The following ERC2 variants were observed in gnomAD, a reference collection of about 807,000 sequenced individuals.
The protein encoded by ERC2 is ERC protein 2.
Under a neutral mutation model 114.8 loss-of-function variants are expected in ERC2, and 42 were observed. The ratio of observed to expected loss-of-function variants is 0.37; its 90% CI spans 0.29 to 0.47. The LOEUF (loss-of-function observed/expected upper bound fraction) is 0.47, where lower values mean the gene tolerates loss of function less well. Ranked by LOEUF, ERC2 falls within the 20% of genes least tolerant of loss-of-function variation. ERC2 has a pLI of 0.99. For missense variants in ERC2, 939 were observed against 1,150.7 expected (o/e 0.82, Z 2.66); for synonymous variants, 454 against 425.5 (o/e 1.07, Z -0.82).
intron 3 of ERC2, among the ~76,000 whole-genome samples, chr3:56,277,186 C>T (rs1194772511): frequency 2.0e-5 from 3 of 152,206 alleles, no homozygotes; most frequent in Non-Finnish European, 2.9e-5. Context: ...GCCCTGTTTT[C>T]TGGGTTCTCC....
At chr3:56,183,358 A>G (rs1243433999) in intron 3 of ERC2, among the ~76,000 whole-genome samples, 11 of 152,190 alleles carry the variant, frequency 7.2e-5, no homozygotes, top group Admixed American at 7.2e-4. Context: ...TAGGTGCATG[A>G]CCTTGGGCAA....
chr3:56,007,367 T>C, intron 9 of ERC2, 46 bp from the exon 10 acceptor site: 2 of 1,523,038 alleles, frequency 1.3e-6, no homozygotes, highest in Non-Finnish European at 8.9e-7. Flanking sequence ...AAATTTCTAC[T>C]AGCAATGCCT....
At chr3:56,284,090 G>T (rs1464620386) in intron 3 of ERC2, among the ~76,000 whole-genome samples, 1 of 152,132 alleles carries the variant, frequency 6.6e-6, no homozygotes, top group African/African-American at 2.4e-5. Context: ...TCTACAATCA[G>T]GCTAAGTTCA....
At chr3:55,795,284 C>T (rs1184302592) in intron 14 of ERC2, among the ~76,000 whole-genome samples, 1 of 152,078 alleles carries the variant, frequency 6.6e-6, no homozygotes, top group Non-Finnish European at 1.5e-5. Context: ...CTTCAGTGCC[C>T]CTGTCAGTTG....
At chr3:55,604,119 C>T (rs898068269) in intron 17 of ERC2, among the ~76,000 whole-genome samples, 3 of 152,052 alleles carry the variant, frequency 2.0e-5, no homozygotes, top group Non-Finnish European at 4.4e-5. Context: ...TTCAACAAAT[C>T]CTTTCAGACT....
intron 7 of ERC2, among the ~76,000 whole-genome samples, chr3:56,055,225 G>A (rs762899408): frequency 3.3e-5 from 5 of 152,210 alleles, no homozygotes; most frequent in Admixed American, 3.3e-4. Context: ...AACCTGGGTA[G>A]GCTGAAAGAA....
At chr3:56,416,676 A>AC (rs1390286201) in intron 2 of ERC2, among the ~76,000 whole-genome samples, 1 of 151,500 alleles carries the variant, frequency 6.6e-6, no homozygotes, top group African/African-American at 2.4e-5. Flanking sequence ...AAAAAAAAAA[A>AC]AAAAACTCCT....
At chr3:56,350,495 G>T (rs777218370) in intron 2 of ERC2, among the ~76,000 whole-genome samples, 9 of 152,100 alleles carry the variant, frequency 5.9e-5, no homozygotes, top group Non-Finnish European at 8.8e-5. Context: ...AAAGTTTACA[G>T]CTCAAACTCA....
chr3:56,410,032 T>C (rs1451156000), intron 2 of ERC2, among the ~76,000 whole-genome samples: 1 of 152,210 alleles, frequency 6.6e-6, no homozygotes, highest in Admixed American at 6.5e-5. Flanking sequence ...GCTGTTCCTA[T>C]TTTCTTAAAA....
At chr3:56,295,684 T>C (rs1176249623) in intron 3 of ERC2, among the ~76,000 whole-genome samples, 4 of 152,232 alleles carry the variant, frequency 2.6e-5, no homozygotes, top group Non-Finnish European at 5.9e-5. Context: ...TGATATTTGA[T>C]AAACAACTAA....
At chr3:56,423,767 C>T (rs2061470435) in intron 2 of ERC2, among the ~76,000 whole-genome samples, 1 of 152,200 alleles carries the variant, frequency 6.6e-6, no homozygotes, top group African/African-American at 2.4e-5. Flanking sequence ...CACGCTCTAC[C>T]TAAAAACCTA....
At chr3:56,386,909 T>G (rs2059953478) in intron 2 of ERC2, among the ~76,000 whole-genome samples, 1 of 152,190 alleles carries the variant, frequency 6.6e-6, no homozygotes, top group Admixed American at 6.6e-5. Flanking sequence ...ATGAACAGCA[T>G]ATAAAAGTGG....
At position 56,296,455 on chromosome 3, in the gene ERC2, G is replaced by T. The variant is rs765597374; in HGVS notation, c.658-20C>A. 6.3e-7 allele frequency: 1 copy of T among 1,586,186 alleles called. No homozygotes were observed. The highest frequency in any genetic ancestry group is 2.3e-5 in the East Asian group (1 of 44,364). ...TAGGTGCTGCAATGAGAAAGATGGA[G>T]CGGGAGAGGAGAAAGAAGGAAAAAA... On this transcript the variant is annotated intron_variant, in intron 2 of 17. Coordinates refer to ENST00000288221, the MANE Select transcript of ERC2 (RefSeq NM_015576.3).
chr3:55,644,753 C>T (rs2060322750), intron 17 of ERC2, among the ~76,000 whole-genome samples: 1 of 150,944 alleles, frequency 6.6e-6, no homozygotes, highest in Non-Finnish European at 1.5e-5. Flanking sequence ...TCTGTGATCC[C>T]CTTGGATAGA....
In ERC2 at chr3:55,590,757, T is replaced by TAC. The variant is rs1179883547; in HGVS notation, c.*40-79482_*40-79481insGT. ...ACATATACCAAATTGTCCACAATGGTAGCATCTGGTGTTGTAATCAAACTG... is the reference window on the plus strand; with the variant it reads ...ACATATACCAAATTGTCCACAATGGTACAGCATCTGGTGTTGTAATCAAACTG... On this transcript the variant is annotated intron_variant, in intron 17 of 17. Transcript: ENST00000288221. Among the ~76,000 whole-genome samples, 4 of 152,340 alleles carry TAC rather than the reference T, an allele frequency of 2.6e-5. No individual in the cohort carries two copies. The East Asian group carries it at 7.7e-4, about 29-fold the overall frequency.
chr3:55,825,751 C>T (rs894930474), intron 14 of ERC2, among the ~76,000 whole-genome samples: 3 of 152,032 alleles, frequency 2.0e-5, no homozygotes, highest in Non-Finnish European at 4.4e-5. Context: ...TGATATTACA[C>T]TAAAGTTAAT....
At position 56,171,843 on chromosome 3, in the gene ERC2, C is replaced by T. The variant is rs574320390; in HGVS notation, c.1149+1603G>A. Among the ~76,000 whole-genome samples, 31 of 139,230 alleles carry T rather than the reference C, an allele frequency of 2.2e-4. No individual in the cohort carries two copies. The East Asian group carries it at 5.8e-3, about 26-fold the overall frequency. 91.3% of individuals were successfully genotyped at this position (139,230 alleles called of 152,430 possible). On this transcript the variant is annotated intron_variant, in intron 4 of 17. Coordinates refer to ENST00000288221, the MANE Select transcript of ERC2 (RefSeq NM_015576.3). Reference sequence around the variant, plus strand: ...TTTCCAAAGGCCTTGGAAACTCGCTCTTTTTTTTTTTTTTCTTAAATGATA... The same window carrying T: ...TTTCCAAAGGCCTTGGAAACTCGCTTTTTTTTTTTTTTTTCTTAAATGATA...
chr3:55,790,168 G>A (rs2149074519), intron 14 of ERC2, among the ~76,000 whole-genome samples: 1 of 152,290 alleles, frequency 6.6e-6, no homozygotes, highest in South Asian at 2.1e-4. Context: ...GCTTTGGGGA[G>A]CTGACCTCTG....
intron 14 of ERC2, among the ~76,000 whole-genome samples, chr3:55,752,872 T>C (rs1433339587): frequency 6.6e-6 from 1 of 152,184 alleles, no homozygotes; most frequent in East Asian, 1.9e-4. Context: ...TTGAATCAAG[T>C]GAGAAGTTGG....
Sources: gnomAD v4.1 joint callset for allele counts (sites outside exome capture counted in the v4.1 genomes callset) on GRCh38, gnomAD v4.1.1 for gene constraint, MANE v1.5 for transcripts, NCBI Gene and HGNC (gene_info 2026-07-23, HGNC 2026-07-21) for gene names.